CCDC102B: variants seen among roughly 807,000 people sequenced by gnomAD.
CCDC102B encodes the protein coiled-coil domain containing 102B, also known as coiled-coil domain-containing protein 102B.
A neutral mutation model predicts 57.4 loss-of-function variants in CCDC102B; 75 were observed. The observed-to-expected ratio is 1.31, with a 90% CI of 1.08 to 1.58. The LOEUF (loss-of-function observed/expected upper bound fraction) is 1.58. Among genes scored for constraint, CCDC102B ranks in the 40% most tolerant of loss-of-function variants. The pLI is 0.00. For missense variants in CCDC102B, 636 were observed against 582.6 expected (o/e 1.09, Z -0.94); for synonymous variants, 206 against 201.9 (o/e 1.02, Z -0.17).
At chr18:69,039,246 CTG>C (rs2052370921) in intron 7 of CCDC102B, among the ~76,000 whole-genome samples, 1 of 151,964 alleles carries the variant, frequency 6.6e-6, no homozygotes, top group Non-Finnish European at 1.5e-5. Flanking sequence ...AGATCCTACT[CTG>C]TGTGCAGTTG....
chr18:69,021,939 T>C (rs1007518051), intron 7 of CCDC102B, among the ~76,000 whole-genome samples: 3 of 152,202 alleles, frequency 2.0e-5, no homozygotes, highest in Admixed American at 1.3e-4. Flanking sequence ...TATCTTGCTC[T>C]TGTTCTTTAC....
chr18:68,886,510 T>A (rs1260312028), intron 5 of CCDC102B, among the ~76,000 whole-genome samples: 1 of 152,144 alleles, frequency 6.6e-6, no homozygotes, highest in Non-Finnish European at 1.5e-5. Context: ...CAATTGAACT[T>A]CCTTAAGTAG....
chr18:69,056,321 C>G (rs555359151), downstream of CCDC102B, among the ~76,000 whole-genome samples: 125 of 152,110 alleles, frequency 8.2e-4, no homozygotes, highest in African/African-American at 2.9e-3. Flanking sequence ...AATGCCAAAA[C>G]TTAATGAAAA....
At chr18:68,950,938 T>C (rs1292842936) in intron 6 of CCDC102B, among the ~76,000 whole-genome samples, 1 of 152,128 alleles carries the variant, frequency 6.6e-6, no homozygotes, top group East Asian at 1.9e-4. Context: ...CATAATAAAA[T>C]ATATCTTAGA....
At chr18:68,731,342 C>A (rs1349255968) in intron 2 of CCDC102B, among the ~76,000 whole-genome samples, 1 of 152,132 alleles carries the variant, frequency 6.6e-6, no homozygotes, top group Non-Finnish European at 1.5e-5. Flanking sequence ...TGATCACAAA[C>A]CCCTATAATC....
intron 1 of CCDC102B, among the ~76,000 whole-genome samples, chr18:68,822,016 G>T (rs193144418): frequency 9.9e-4 from 151 of 152,216 alleles, no homozygotes; most frequent in African/African-American, 3.6e-3. Context: ...TGTTCTAGAA[G>T]CTTGTAAAAT....
intron 2 of CCDC102B, among the ~76,000 whole-genome samples, chr18:68,742,032 T>G (rs1462704138): frequency 6.6e-6 from 1 of 152,198 alleles, no homozygotes; most frequent in Non-Finnish European, 1.5e-5. Context: ...GTGTGTTAGC[T>G]TCCTAGGGCT....
At chr18:68,927,879 A>G (rs562978313) in intron 6 of CCDC102B, among the ~76,000 whole-genome samples, 4 of 151,982 alleles carry the variant, frequency 2.6e-5, no homozygotes, top group African/African-American at 9.6e-5. Context: ...CTGAAAGAGC[A>G]ATGGATTTTT....
rs1414595919 is a variant in CCDC102B at position 68,913,388 on chromosome 18, T to G, written c.1263+15960T>G. Among the ~76,000 whole-genome samples the G allele has an allele frequency of 4.0e-5, 6 of 148,886 alleles. No individual in the cohort carries two copies. In the East Asian group the frequency reaches 1.2e-3, roughly 31 times the overall value. On this transcript the variant is annotated intron_variant, in intron 6 of 7. Transcript: ENST00000360242. Reference sequence around the variant, plus strand: ...CCAGCCAGGGGTGGTGGCTCACGCCTATACTCCCAGCACTTTGGGAGGCTG... The same window carrying G: ...CCAGCCAGGGGTGGTGGCTCACGCCGATACTCCCAGCACTTTGGGAGGCTG...
At chr18:68,731,292 T>G (rs1423580535) in intron 2 of CCDC102B, among the ~76,000 whole-genome samples, 1 of 152,126 alleles carries the variant, frequency 6.6e-6, no homozygotes, top group African/African-American at 2.4e-5. Flanking sequence ...TTAATGTATT[T>G]GAGTTAACCA....
At chr18:68,750,415 C>T (rs570959496) in intron 2 of CCDC102B, among the ~76,000 whole-genome samples, 6 of 152,236 alleles carry the variant, frequency 3.9e-5, no homozygotes, top group African/African-American at 7.2e-5. Flanking sequence ...ACTAGAAATA[C>T]GATTTGACCC....
chr18:68,887,531 A>G (rs1012199171), intron 5 of CCDC102B, among the ~76,000 whole-genome samples: 55 of 152,194 alleles, frequency 3.6e-4, no homozygotes, highest in African/African-American at 1.3e-3. Context: ...AGGCATTGAC[A>G]TTTGTTTTTG....
chr18:68,744,807 T>C (rs993310897), intron 2 of CCDC102B, among the ~76,000 whole-genome samples: 15 of 152,210 alleles, frequency 9.9e-5, no homozygotes, highest in African/African-American at 3.6e-4. Context: ...TGAAAAGTTA[T>C]TGTACATCAC....
intron 6 of CCDC102B, among the ~76,000 whole-genome samples, chr18:68,945,263 A>C (rs2049505427): frequency 2.0e-5 from 3 of 152,000 alleles, no homozygotes; most frequent in Non-Finnish European, 4.4e-5. Context: ...TTACTTTCTT[A>C]ATGAAAAGAC....
chr18:69,012,479 T>C (rs1188924666), intron 7 of CCDC102B, among the ~76,000 whole-genome samples: 1 of 152,134 alleles, frequency 6.6e-6, no homozygotes, highest in African/African-American at 2.4e-5. Flanking sequence ...GGTAACATTA[T>C]TTGTTCCTCC....
chr18:68,768,640 TG>T (rs1249293939), intron 2 of CCDC102B, among the ~76,000 whole-genome samples: 1 of 152,150 alleles, frequency 6.6e-6, no homozygotes, highest in Non-Finnish European at 1.5e-5. Flanking sequence ...TTGATATTTT[TG>T]TTTAATGTAA....
Position 68,846,318 on chromosome 18 carries a change from G to T in CCDC102B, c.833G>T (p.Arg278Leu), listed in dbSNP as rs186200166. ...TTAATTCTTAAATTATTTAGAATGC[G>T]CACAGCTTTGGAAAAAGAAATAGAG... ...QKILWKEREMRTALEKEIERL... is the reference protein window; with the variant it reads ...QKILWKEREMLTALEKEIERL... Residue 278 changes from arginine (R) to leucine (L), a missense_variant, in exon 4 of 8, where the codon CGC becomes CTC. By Grantham distance (102) the Arg-to-Leu change is moderately radical (BLOSUM62 -2). Transcript: ENST00000360242. The T allele has an allele frequency of 5.2e-6, 8 of 1,525,656 alleles. No homozygotes were observed. In the African/African-American group the frequency reaches 5.7e-5, roughly 11 times the overall value. The allele number at this position is 1,525,656 out of a possible 1,614,324, so 94.5% of individuals were successfully genotyped here. A position where few individuals can be genotyped will look rare whatever the true frequency, so the allele number is the denominator to read the frequency against.
At chr18:68,737,197 G>A (rs1198018386) in intron 2 of CCDC102B, among the ~76,000 whole-genome samples, 2 of 152,106 alleles carry the variant, frequency 1.3e-5, no homozygotes, top group Non-Finnish European at 2.9e-5. Flanking sequence ...GGGGTAACAT[G>A]TCTGGGCACC....
At chr18:68,800,746 A>G (rs2035817836) in intron 1 of CCDC102B, among the ~76,000 whole-genome samples, 2 of 152,188 alleles carry the variant, frequency 1.3e-5, no homozygotes, top group Admixed American at 1.3e-4. Flanking sequence ...TGACCAAGTT[A>G]TTATCAAATA....
Sources: allele counts gnomAD v4.1 joint callset (sites outside exome capture counted in the v4.1 genomes callset), GRCh38; gene constraint gnomAD v4.1.1; transcripts MANE v1.5; gene names NCBI Gene and HGNC (gene_info 2026-07-23, HGNC 2026-07-21).